The following ELAPOR2 variants were observed in gnomAD, a reference collection of about 807,000 sequenced individuals.
ELAPOR2 encodes endosome/lysosome-associated apoptosis and autophagy regulator family member 2.
In ELAPOR2, 89 loss-of-function variants were observed where a neutral mutation model predicts 120.7. The observed-to-expected ratio is 0.74, with a 90% CI of 0.62 to 0.88. ELAPOR2 has a LOEUF of 0.88. Ranked by LOEUF, ELAPOR2 falls within the 40% of genes least tolerant of loss-of-function variation. The probability of loss-of-function intolerance (pLI) is 0.00; values close to 1 mark genes in which losing one functional copy is unlikely to be tolerated. For missense variants in ELAPOR2, 1,134 were observed against 1,251.6 expected, an observed-to-expected ratio of 0.91 and a Z score of 1.42; for synonymous variants, 444 against 444.9, an observed-to-expected ratio of 1.00 and a Z score of 0.03.
chr7:86,911,428 T>C (rs1311265954), intron 15 of ELAPOR2, among the ~76,000 whole-genome samples: 2 of 152,122 alleles, frequency 1.3e-5, no homozygotes, highest in African/African-American at 4.8e-5. Flanking sequence ...ATATGGGAAG[T>C]GACATGGAGG....
At chr7:86,881,229 C>T (rs1172361093) in intron 21 of ELAPOR2, among the ~76,000 whole-genome samples, 2 of 152,138 alleles carry the variant, frequency 1.3e-5, no homozygotes, top group Non-Finnish European at 2.9e-5. Flanking sequence ...CAGGGTCTCT[C>T]TCTGTCACCT....
intron 9 of ELAPOR2, among the ~76,000 whole-genome samples, chr7:86,926,106 A>ATTTGAAT (rs1790055359): frequency 6.6e-6 from 1 of 152,014 alleles, no homozygotes; most frequent in African/African-American, 2.4e-5. Flanking sequence ...CCATTTATGA[A>ATTTGAAT]CTGATTAATT....
At chr7:86,902,051 CACAATG>C (rs1407818029) in intron 18 of ELAPOR2, among the ~76,000 whole-genome samples, 8 of 152,190 alleles carry the variant, frequency 5.3e-5, no homozygotes, top group Admixed American at 2.6e-4. Context: ...TGTCCAAGAT[CACAATG>C]TCAGCAGATT....
At position 87,041,466 on chromosome 7, in the gene ELAPOR2, C is replaced by T. The variant is rs528816893; in HGVS notation, c.189+17859G>A. Among the ~76,000 whole-genome samples the T allele has an allele frequency of 1.3e-4, 20 of 152,120 alleles. No homozygotes were observed. The South Asian group carries it at 4.1e-3, about 32-fold the overall frequency. ...AGAGTGGGGGCCAATATTCAACATT[C>T]TTAAAGAAAAGAATTTTCAACCCAG... is the stretch of plus-strand genomic sequence containing the variant. On this transcript the variant is annotated intron_variant, in intron 1 of 21. Transcript: ENST00000450689.
At chr7:86,922,967 G>C (rs374593028) in intron 10 of ELAPOR2, among the ~76,000 whole-genome samples, 1 of 152,000 alleles carries the variant, frequency 6.6e-6, no homozygotes. Flanking sequence ...TAAAAATAAA[G>C]TAATTCATAT....
At chr7:86,941,973 A>C (rs1287806871) in intron 5 of ELAPOR2, 45 bp downstream of exon 5, 2 of 1,188,558 alleles carry the variant, frequency 1.7e-6, no homozygotes, top group Non-Finnish European at 2.4e-6. Flanking sequence ...GAAAAAAAGA[A>C]GAAGGAAAAA....
At chr7:86,958,131 T>C (rs1438907837) in intron 2 of ELAPOR2, among the ~76,000 whole-genome samples, 1 of 152,170 alleles carries the variant, frequency 6.6e-6, no homozygotes, top group Non-Finnish European at 1.5e-5. Context: ...GACAGTCCCA[T>C]AGACATTAAG....
At chr7:87,049,483 C>T (rs1584045130) in intron 1 of ELAPOR2, among the ~76,000 whole-genome samples, 2 of 152,034 alleles carry the variant, frequency 1.3e-5, no homozygotes, top group African/African-American at 4.8e-5. Flanking sequence ...GGGGTTTCAC[C>T]GTGTTAGCTA....
intron 21 of ELAPOR2, among the ~76,000 whole-genome samples, chr7:86,883,533 A>T (rs2115739979): frequency 6.6e-6 from 1 of 152,356 alleles, no homozygotes; most frequent in Non-Finnish European, 1.5e-5. Flanking sequence ...ATGTTGGTAT[A>T]TCTACACAAT....
chr7:86,907,629 C>T (rs753593427), intron 18 of ELAPOR2, 41 bp downstream of exon 18: 4 of 1,260,608 alleles, frequency 3.2e-6, no homozygotes, highest in East Asian at 2.6e-5. Context: ...GAGAGTTTTT[C>T]TTCCTCATGG....
chr7:86,945,299 G>A (rs1055076754), intron 3 of ELAPOR2, among the ~76,000 whole-genome samples: 3 of 152,138 alleles, frequency 2.0e-5, no homozygotes, highest in Non-Finnish European at 4.4e-5. Context: ...CCCAAAATTT[G>A]ATTACCAAAT....
At chr7:87,041,131 G>A (rs990702023) in intron 1 of ELAPOR2, among the ~76,000 whole-genome samples, 4 of 152,202 alleles carry the variant, frequency 2.6e-5, no homozygotes, top group Non-Finnish European at 4.4e-5. Flanking sequence ...CCAAATCTAT[G>A]TCTGATTGGT....
In ELAPOR2 at chr7:86,881,357, CTT is replaced by C. The variant is rs773455638; in HGVS notation, c.3031-829_3031-828del. On this transcript the variant is annotated intron_variant, in intron 21 of 21. Transcript: ENST00000450689. ...GACCTCAGATGCGAGCAAGCACGCCCTTTTTTTTTTTTTTTTGAGTCAGAGTT... is the reference window on the plus strand; with the variant it reads ...GACCTCAGATGCGAGCAAGCACGCCCTTTTTTTTTTTTTTGAGTCAGAGTT... Among the ~76,000 whole-genome samples, 59 of 138,846 alleles carry C rather than the reference CTT, an allele frequency of 4.2e-4. No individual in the cohort carries two copies. The East Asian group carries it at 5.0e-3, about 12-fold the overall frequency. The allele number at this position is 138,846 out of a possible 152,430, so 91.1% of individuals were successfully genotyped here.
chr7:86,922,046 A>G (rs1294266515), intron 10 of ELAPOR2, among the ~76,000 whole-genome samples: 1 of 151,634 alleles, frequency 6.6e-6, no homozygotes, highest in East Asian at 1.9e-4. Context: ...AAAAATTAAG[A>G]TTTTTTTTTC....
intron 1 of ELAPOR2, among the ~76,000 whole-genome samples, chr7:87,002,885 G>T (rs1427547934): frequency 6.6e-6 from 1 of 152,130 alleles, no homozygotes; most frequent in Non-Finnish European, 1.5e-5. Context: ...GGTGAGAAAT[G>T]AACCACACTC....
At chr7:86,923,065 A>C (rs577110962) in intron 10 of ELAPOR2, among the ~76,000 whole-genome samples, 35 of 152,104 alleles carry the variant, frequency 2.3e-4, no homozygotes, top group Non-Finnish European at 4.3e-4. Flanking sequence ...TATATAACTT[A>C]GATTTTACTA....
chr7:87,030,092 A>G (rs530655341), intron 1 of ELAPOR2, among the ~76,000 whole-genome samples: 9 of 152,298 alleles, frequency 5.9e-5, no homozygotes, highest in Admixed American at 5.9e-4. Context: ...AGAGATCAGG[A>G]AAACAAAGCC....
At chr7:86,995,133 A>C (rs1793081415) in intron 1 of ELAPOR2, among the ~76,000 whole-genome samples, 1 of 152,148 alleles carries the variant, frequency 6.6e-6, no homozygotes, top group African/African-American at 2.4e-5. Flanking sequence ...TTCAGGCAAG[A>C]CAGTAGCCAG....
chr7:86,885,921 G>C (rs1799666820), intron 21 of ELAPOR2, among the ~76,000 whole-genome samples: 1 of 152,138 alleles, frequency 6.6e-6, no homozygotes, highest in South Asian at 2.1e-4. Flanking sequence ...TACATGTAGA[G>C]AAGGGCCAGT....
Sources: allele counts gnomAD v4.1 joint callset (sites outside exome capture counted in the v4.1 genomes callset), GRCh38; gene constraint gnomAD v4.1.1; transcripts MANE v1.5; gene names NCBI Gene and HGNC (gene_info 2026-07-23, HGNC 2026-07-21).